The following SYNRG variants were observed in gnomAD, a reference collection of about 807,000 sequenced individuals.
The protein encoded by SYNRG is synergin gamma.
In SYNRG, 37 loss-of-function variants were observed where a neutral mutation model predicts 130.9. The ratio of observed to expected loss-of-function variants is 0.28; its 90% CI spans 0.22 to 0.37. The LOEUF (loss-of-function observed/expected upper bound fraction) is 0.37, where lower values mean the gene tolerates loss of function less well. Among genes scored for constraint, SYNRG ranks in the 10% least tolerant of loss-of-function variants. SYNRG has a pLI of 1.00. For synonymous variants in SYNRG, 539 were observed against 568.1 expected (o/e 0.95, Z 0.73); for missense variants, 1,338 against 1,588.9 (o/e 0.84, Z 2.68).
intron 6 of SYNRG, 196 bp downstream of exon 6, chr17:37,584,452 T>C (rs1166431479): frequency 4.5e-6 from 2 of 445,320 alleles, no homozygotes; most frequent in East Asian, 3.3e-5. Flanking sequence ...AAGAGGTTTT[T>C]TCCTCCCAAG....
At position 37,517,472 on chromosome 17, in the gene SYNRG, C is replaced by T. The variant is rs1350355056; in HGVS notation, c.*1468G>A. The T allele has an allele frequency of 1.3e-5, 2 of 151,944 alleles. No individual in the cohort carries two copies. The highest frequency in any genetic ancestry group is 4.8e-5 in the African/African-American group (2 of 41,364). The allele number at this position is 151,944 out of a possible 1,614,324, so 9.4% of individuals were successfully genotyped here. On this transcript the variant is annotated 3_prime_UTR_variant, in exon 22 of 22. Coordinates refer to ENST00000612223, the MANE Select transcript of SYNRG (RefSeq NM_007247.6). Reference sequence around the variant, plus strand: ...GGGAGCGAGTGAGAAAAGCCTTTCTCTCCTCGGTGCCTCTCTGTGCATTCG... The same window carrying T: ...GGGAGCGAGTGAGAAAAGCCTTTCTTTCCTCGGTGCCTCTCTGTGCATTCG...
intron 14 of SYNRG, among the ~76,000 whole-genome samples, chr17:37,546,562 C>T (rs1407223869): frequency 6.6e-6 from 1 of 152,202 alleles, no homozygotes; most frequent in Non-Finnish European, 1.5e-5. Flanking sequence ...TCCATAACCT[C>T]TATTCAAATC....
intron 1 of SYNRG, among the ~76,000 whole-genome samples, chr17:37,603,556 G>A (rs1015688831): frequency 3.9e-5 from 6 of 152,156 alleles, no homozygotes; most frequent in Admixed American, 6.5e-5. Context: ...AATGGATGCC[G>A]CTTTAGCAGA....
At chr17:37,561,640 A>G (rs758574776) in intron 11 of SYNRG, 51 bp from the exon 12 acceptor site, 1 of 1,341,476 alleles carries the variant, frequency 7.5e-7, no homozygotes, top group African/African-American at 1.4e-5. Context: ...CTCCTTTATC[A>G]TCTAAAAGGA....
chr17:37,530,195 T>C (rs17138650), intron 19 of SYNRG, among the ~76,000 whole-genome samples: 18,454 of 152,182 alleles, frequency 0.12, 1,176 homozygotes, highest in Middle Eastern at 0.19. Flanking sequence ...CCACAAGGAA[T>C]AGAGGTTGAG....
At chr17:37,547,338 A>G (rs2058359898) in intron 14 of SYNRG, among the ~76,000 whole-genome samples, 1 of 152,212 alleles carries the variant, frequency 6.6e-6, no homozygotes, top group Admixed American at 6.5e-5. Context: ...AAATCTCACC[A>G]AAAAGACACC....
At chr17:37,521,272 C>A (rs1304122680) in intron 19 of SYNRG, among the ~76,000 whole-genome samples, 1 of 152,016 alleles carries the variant, frequency 6.6e-6, no homozygotes, top group African/African-American at 2.4e-5. Context: ...GCAGGTGATC[C>A]ACCCGCCTCA....
rs752279089 is a variant in SYNRG at position 37,554,009 on chromosome 17, C to T, written c.1714G>A (p.Asp572Asn). 8 of 1,607,108 alleles carry T rather than the reference C, an allele frequency of 5.0e-6. No individual in the cohort carries two copies. The highest frequency in any genetic ancestry group is 2.2e-5 in the East Asian group (1 of 44,866). The change falls in exon 14 of 22, where the codon GAT becomes AAT. Residue 572 changes from aspartate to asparagine, a missense_variant. Coordinates refer to ENST00000612223, the MANE Select transcript of SYNRG (RefSeq NM_007247.6). ...GATACACTATCGGCTGTTTTAAAAT[C>T]GGTGAAACCATCATCAGTTCCTGCA... ...RSAGTDDGFT[D>N]FKTADSVSPL...
intron 6 of SYNRG, chr17:37,579,125 G>A: frequency 8.6e-7 from 1 of 1,161,610 alleles, no homozygotes; most frequent in Non-Finnish European, 1.1e-6. Context: ...ATAATGCTAA[G>A]AGTTACCTGC....
Position 37,542,467 on chromosome 17 carries a change from T to C in SYNRG, c.2707A>G (p.Thr903Ala). 7 of 1,614,040 alleles carry C rather than the reference T, an allele frequency of 4.3e-6. No homozygotes were observed. The highest frequency in any genetic ancestry group is 5.9e-6 in the Non-Finnish European group (7 of 1,180,030). ...AATGGAGAGAGTTTTCTGCCCTGAG[T>C]TGCATCATCCCTGTCTGACCAGTCA... ...SYDWSDRDDA[T>A]QGRKLSPFVL... Residue 903 changes from threonine to alanine, a missense_variant, in exon 15 of 22, where the codon ACT (threonine) becomes GCT (alanine). Physicochemically the swap from Thr to Ala is moderately conservative, Grantham distance 58. Transcript: ENST00000612223.
chr17:37,605,420 T>C (rs1299048582), intron 1 of SYNRG, among the ~76,000 whole-genome samples: 1 of 152,216 alleles, frequency 6.6e-6, no homozygotes, highest in Non-Finnish European at 1.5e-5. Flanking sequence ...CTTTACCCCC[T>C]GTCTGGTTTC....
intron 19 of SYNRG, among the ~76,000 whole-genome samples, chr17:37,530,625 T>C (rs1456010205): frequency 2.0e-5 from 3 of 152,190 alleles, no homozygotes; most frequent in Admixed American, 6.5e-5. Context: ...GTTCCTTGGA[T>C]TAGTCATCAT....
chr17:37,553,004 A>T, intron 14 of SYNRG, 111 bp downstream of exon 14: 1 of 952,680 alleles, frequency 1.0e-6, no homozygotes, highest in Non-Finnish European at 1.6e-6. Flanking sequence ...GTTGATTATT[A>T]GAGATTCATA....
chr17:37,572,117 T>C, intron 8 of SYNRG, 130 bp from the exon 9 acceptor site: 1 of 748,086 alleles, frequency 1.3e-6, no homozygotes, highest in Non-Finnish European at 2.2e-6. Flanking sequence ...CATGTCAGGG[T>C]TTAAATTGCT....
At position 37,538,947 on chromosome 17, in the gene SYNRG, T is replaced by G. The variant is rs900540003; in HGVS notation, c.3420+245A>C. 1.9e-5 allele frequency: 15 copies of G among 769,400 alleles called. No homozygotes were observed. In the East Asian group the frequency reaches 6.5e-4, roughly 33 times the overall value. 47.7% of individuals were successfully genotyped at this position (769,400 alleles called of 1,614,324 possible). On this transcript the variant is annotated intron_variant, in intron 17 of 21. Transcript: ENST00000612223. ...TTTGATTTAGTCAGAGTTAATGAAATCACTTTGTTATTTCTTAAACACAAT... is the reference window on the plus strand; with the variant it reads ...TTTGATTTAGTCAGAGTTAATGAAAGCACTTTGTTATTTCTTAAACACAAT...
chr17:37,564,641 A>G (rs546591683), intron 11 of SYNRG, among the ~76,000 whole-genome samples: 1 of 152,242 alleles, frequency 6.6e-6, no homozygotes, highest in Non-Finnish European at 1.5e-5. Flanking sequence ...TTCTCTAACA[A>G]GTAATGCCCA....
At chr17:37,530,121 C>A (rs2056465471) in intron 19 of SYNRG, among the ~76,000 whole-genome samples, 1 of 152,086 alleles carries the variant, frequency 6.6e-6, no homozygotes, top group African/African-American at 2.4e-5. Flanking sequence ...TCGACCCACT[C>A]CCCCCGACAA....
At chr17:37,560,669 A>ATT (rs749040118) in intron 13 of SYNRG, among the ~76,000 whole-genome samples, 30 of 125,890 alleles carry the variant, frequency 2.4e-4, no homozygotes, top group African/African-American at 4.8e-4. Context: ...AACAATAGCT[A>ATT]TTTTTTTTTT....
intron 11 of SYNRG, among the ~76,000 whole-genome samples, chr17:37,563,563 T>C (rs907907369): frequency 2.0e-5 from 3 of 152,240 alleles, no homozygotes; most frequent in Non-Finnish European, 2.9e-5. Flanking sequence ...TGTCTTGCTC[T>C]GTTGCCCAGG....
Sources: gnomAD v4.1 joint callset for allele counts (sites outside exome capture counted in the v4.1 genomes callset) on GRCh38, gnomAD v4.1.1 for gene constraint, MANE v1.5 for transcripts, NCBI Gene and HGNC (gene_info 2026-07-23, HGNC 2026-07-21) for gene names.